HRH3: variants seen among roughly 807,000 people sequenced by gnomAD.
The protein encoded by HRH3 is histamine receptor H3.
In HRH3, 13 loss-of-function variants were observed where a neutral mutation model predicts 21.6. The observed-to-expected ratio is 0.60, with a 90% confidence interval of 0.39 to 0.96. The LOEUF (loss-of-function observed/expected upper bound fraction) is 0.96, where lower values mean the gene tolerates loss of function less well. HRH3 is among the 40% of genes least tolerant of loss of function. The probability of loss-of-function intolerance (pLI) is 0.00; values close to 1 mark genes in which losing one functional copy is unlikely to be tolerated. For missense variants in HRH3, 461 were observed against 622.7 expected (o/e 0.74, Z 2.76); for synonymous variants, 276 against 290.3 (o/e 0.95, Z 0.50).
At position 62,215,924 on chromosome 20, in the gene HRH3, G is replaced by T; in HGVS notation, c.*82C>A. The stretch of plus-strand genomic sequence containing the variant: ...GCGGGGCTCACCCCTGGGGGAACGA[G>T]CCGGGTAGGGGGCAGCAGGGCCAGA... On this transcript the variant is annotated 3_prime_UTR_variant, in exon 3 of 3. Transcript: ENST00000340177. 7.4e-7 allele frequency: 1 copy of T among 1,346,956 alleles called. No homozygotes were observed. Among genetic ancestry groups the T allele is most frequent in the Non-Finnish European group, 9.9e-7 (1 of 1,005,266 alleles). 83.4% of individuals were successfully genotyped at this position (1,346,956 alleles called of 1,614,324 possible).
rs1454711716 is a variant in HRH3 at position 62,218,884 on chromosome 20, G to C, written c.251-227C>G. On this transcript the variant is annotated intron_variant, in intron 1 of 2. Coordinates refer to ENST00000340177, the MANE Select transcript of HRH3 (RefSeq NM_007232.3). This position sits in a 1 kb window ranked among gnomAD's most constrained non-coding sequence, Gnocchi z 5.6. ...ACTATCTGTGTCCCCTGGGCCTGGG[G>C]GCAGGAGGGATGATCCAGGCATGGG... Among the ~76,000 whole-genome samples, 3 of 151,762 alleles carry C rather than the reference G, an allele frequency of 2.0e-5. No homozygotes were observed. The highest frequency in any genetic ancestry group is 2.0e-4 in the Admixed American group (3 of 15,238).
Position 62,216,386 on chromosome 20 carries a change from G to T in HRH3, c.958C>A (p.Leu320Ile), listed in dbSNP as rs200810474. ...GCCGACGGCTTGGAGCCCCTCTTGA[G>T]TGAGCGCGGCCTCTCAGTGCCCCTC... ...SSRGTERPRS[L>I]KRGSKPSASS... Residue 320 changes from leucine (L) to isoleucine (I), a missense_variant, in exon 3 of 3, where the codon CTC becomes ATC. By Grantham distance (5) the Leu-to-Ile change is conservative. Transcript: ENST00000340177. The T allele has an allele frequency of 6.0e-5, 93 of 1,554,646 alleles. 1 individual carries two copies. The highest frequency in any genetic ancestry group is 8.7e-6 in the Non-Finnish European group (10 of 1,148,172).
In HRH3 at chr20:62,218,280, G is replaced by A. The variant is rs951029269; in HGVS notation, c.417+211C>T. 4.6e-5 allele frequency among the ~76,000 whole-genome samples: 7 copies of A among 152,232 alleles called. No individual in the cohort carries two copies. Among genetic ancestry groups the A allele is most frequent in the Non-Finnish European group, 8.8e-5 (6 of 68,032 alleles). Reference sequence around the variant, plus strand: ...AGGACCATCTGCATCCAGATTCCCCGTCTCCTGCCTGGGCCAGGTCAGTCT... The same window carrying A: ...AGGACCATCTGCATCCAGATTCCCCATCTCCTGCCTGGGCCAGGTCAGTCT... On this transcript the variant is annotated intron_variant, in intron 2 of 2. Coordinates refer to ENST00000340177, the MANE Select transcript of HRH3 (RefSeq NM_007232.3). The surrounding 1 kb of genome is among the most constrained non-coding windows in gnomAD (Gnocchi z 5.6).
Position 62,216,012 on chromosome 20 carries a change from C to T in HRH3, c.1332G>A (p.Trp444Ter). The T allele has an allele frequency of 6.4e-7, 1 of 1,569,400 alleles. No individual in the cohort carries two copies. Among genetic ancestry groups the T allele is most frequent in the Non-Finnish European group, 8.6e-7 (1 of 1,157,200 alleles). The change falls in exon 3 of 3, where the codon TGG becomes TGA. Residue 444 changes from tryptophan (W) to a stop codon, truncating the protein, a stop_gained. Coordinates refer to ENST00000340177, the MANE Select transcript of HRH3 (RefSeq NM_007232.3). LOFTEE classifies it high-confidence loss of function. Reference protein sequence around the residue: ...IQPHSSLEHCWK With the variant: ...IQPHSSLEHC ...GGAGGCTCTGGTGGGCCACTCACTT[C>T]CAGCAGTGCTCCAGGGAGCTGTGGG... is the stretch of plus-strand genomic sequence containing the variant.
In HRH3 at chr20:62,218,514, G is replaced by A; in HGVS notation, c.394C>T (p.Arg132Cys). ...ACCGCTCGGGTGACCGACAGGAAGCGGTCGTAGCTGATGAGCACGATGTTG... is the reference window on the plus strand; with the variant it reads ...ACCGCTCGGGTGACCGACAGGAAGCAGTCGTAGCTGATGAGCACGATGTTG... Reference protein sequence around the residue: ...AFNIVLISYDRFLSVTRAVSY... With the variant: ...AFNIVLISYDCFLSVTRAVSY... Residue 132 changes from arginine to cysteine, a missense_variant, in exon 2 of 3, where the codon CGC becomes TGC. By Grantham distance (180) the Arg-to-Cys change is radical. Coordinates refer to ENST00000340177, the MANE Select transcript of HRH3 (RefSeq NM_007232.3). This position sits in a 1 kb window ranked among gnomAD's most constrained non-coding sequence, Gnocchi z 5.6. 1 of 1,611,976 alleles carries A rather than the reference G, an allele frequency of 6.2e-7. No homozygotes were observed. Among genetic ancestry groups the A allele is most frequent in the Non-Finnish European group, 8.5e-7 (1 of 1,179,924 alleles).
rs909412066 is a variant in HRH3 at position 62,216,589 on chromosome 20, G to A, written c.755C>T (p.Pro252Leu). 4.4e-6 allele frequency: 7 copies of A among 1,606,914 alleles called. No individual in the cohort carries two copies. The highest frequency in any genetic ancestry group is 1.3e-5 in the African/African-American group (1 of 74,780). Residue 252 changes from proline to leucine, a missense_variant, in exon 3 of 3, where the codon CCA (proline) becomes CTA (leucine). Physicochemically the swap from Pro to Leu is moderately conservative, Grantham distance 98. This residue lies in a region of HRH3 where 163 missense variants were observed against 139.4 expected (regional missense o/e 1.17). Coordinates refer to ENST00000340177, the MANE Select transcript of HRH3 (RefSeq NM_007232.3). The part of the protein sequence containing the change: ...PEPPPEAQPS[P>L]PPPPGCWGCW... ...GCCCCAGCAGCCAGGCGGTGGGGGT[G>A]GTGAGGGCTGGGCCTCGGGAGGGGG... is the stretch of plus-strand genomic sequence containing the variant.
At position 62,218,180 on chromosome 20, in the gene HRH3, GC is replaced by G. The variant is rs1568806481; in HGVS notation, c.417+310del. 1.3e-5 allele frequency among the ~76,000 whole-genome samples: 2 copies of G among 152,224 alleles called. No individual in the cohort carries two copies. The highest frequency in any genetic ancestry group is 1.3e-4 in the Admixed American group (2 of 15,292). On this transcript the variant is annotated intron_variant, in intron 2 of 2. Coordinates refer to ENST00000340177, the MANE Select transcript of HRH3 (RefSeq NM_007232.3). This position sits in a 1 kb window ranked among gnomAD's most constrained non-coding sequence, Gnocchi z 5.6. Reference sequence around the variant, plus strand: ...GGAGGGATGTCACCCAGGGCGTCTGGCCCCAGATCCTCCCTTAACTCCGGGG... The same window carrying G: ...GGAGGGATGTCACCCAGGGCGTCTGGCCCAGATCCTCCCTTAACTCCGGGG...
At position 62,216,494 on chromosome 20, in the gene HRH3, C is replaced by T. The variant is rs1277870064; in HGVS notation, c.850G>A (p.Ala284Thr). Reference protein sequence around the residue: ...RYGVGEAAVGAEAGEATLGGG... With the variant: ...RYGVGEAAVGTEAGEATLGGG... ...CCGAGGGTCGCCTCCCCGGCCTCAGCGCCTACGGCCGCCTCACCCACCCCA... is the reference window on the plus strand; with the variant it reads ...CCGAGGGTCGCCTCCCCGGCCTCAGTGCCTACGGCCGCCTCACCCACCCCA... The change falls in exon 3 of 3, where the codon GCT (alanine) becomes ACT (threonine). Residue 284 changes from alanine (A) to threonine (T), a missense_variant. Transcript: ENST00000340177. 7.0e-6 allele frequency: 11 copies of T among 1,572,156 alleles called. No homozygotes were observed. Among genetic ancestry groups the T allele is most frequent in the African/African-American group, 6.8e-5 (5 of 73,920 alleles).
In HRH3 at chr20:62,216,705, G is replaced by A. The variant is rs201708948; in HGVS notation, c.639C>T (p.Ser213=). 42 of 1,613,294 alleles carry A rather than the reference G, an allele frequency of 2.6e-5. No individual in the cohort carries two copies. The African/African-American group carries it at 3.3e-4, about 13-fold the overall frequency. ...STLEFFTPFL[S]VTFFNLSIYL... is the part of the protein sequence containing the mutation. ...AGATGCTGAGGTTAAAGAAGGTGAC[G>A]CTGAGGAAGGGCGTAAAGAACTCCA... Residue 213 remains serine, a synonymous_variant, in exon 3 of 3, where the codon AGC becomes AGT. Transcript: ENST00000340177.
chr20:62,219,770 G>C lies in HRH3; in HGVS notation c.201C>G (p.Thr67=), dbSNP rs2145890699. 1.2e-6 allele frequency: 2 copies of C among 1,606,176 alleles called. No homozygotes were observed. Among genetic ancestry groups the C allele is most frequent in the East Asian group, 2.3e-5 (1 of 44,362 alleles). The stretch of plus-strand genomic sequence containing the variant: ...GGTTGAGCAGGAAGAAGTTGTTCTG[G>C]GTGCGGAGGCTCGAGTCGGCCACGA... ...LAFVADSSLR[T]QNNFFLLNLA... is the part of the protein sequence containing the mutation. The change falls in exon 1 of 3, where the codon ACC becomes ACG. Residue 67 remains threonine (T), a synonymous_variant. Coordinates refer to ENST00000340177, the MANE Select transcript of HRH3 (RefSeq NM_007232.3). The surrounding 1 kb of genome is among the most constrained non-coding windows in gnomAD (Gnocchi z 8.7).
chr20:62,219,535 G>C lies in HRH3; in HGVS notation c.250+186C>G, dbSNP rs1978722678. 6.6e-6 allele frequency among the ~76,000 whole-genome samples: 1 copy of C among 152,086 alleles called. No homozygotes were observed. Among genetic ancestry groups the C allele is most frequent in the Non-Finnish European group, 1.5e-5 (1 of 67,986 alleles). On this transcript the variant is annotated intron_variant, in intron 1 of 2. Coordinates refer to ENST00000340177, the MANE Select transcript of HRH3 (RefSeq NM_007232.3). The surrounding 1 kb of genome is among the most constrained non-coding windows in gnomAD (Gnocchi z 8.7). ...CATCTCTCCCCAGCCCCTGTCCCGA[G>C]GCCTGAGTGGCAAGGAACTTCGCCT...
rs200818453 is a variant in HRH3, at chr20:62,215,583, G to A, written c.*423C>T. On this transcript the variant is annotated 3_prime_UTR_variant, in exon 3 of 3. Transcript: ENST00000340177. ...CCTGGGCTTGTCCGGGGAGAGGGACGGTGTGCAGGTGTGTGCAGGGGTGTG... is the reference window on the plus strand; with the variant it reads ...CCTGGGCTTGTCCGGGGAGAGGGACAGTGTGCAGGTGTGTGCAGGGGTGTG... 9.7e-6 allele frequency: 4 copies of A among 413,546 alleles called. No homozygotes were observed. The highest frequency in any genetic ancestry group is 2.6e-5 in the Admixed American group (1 of 37,880). 25.6% of individuals were successfully genotyped at this position (413,546 alleles called of 1,614,324 possible).
In HRH3 at chr20:62,218,800, CTGG is replaced by C; in HGVS notation, c.251-146_251-144del. ...CATCCTCATCTTACCACCCCTCCAC[CTGG>C]TGTCAGCCACAAACTCTGCCCTGCC... On this transcript the variant is annotated intron_variant, in intron 1 of 2. Coordinates refer to ENST00000340177, the MANE Select transcript of HRH3 (RefSeq NM_007232.3). The surrounding 1 kb of genome is among the most constrained non-coding windows in gnomAD (Gnocchi z 5.6). The C allele has an allele frequency of 1.3e-6, 1 of 753,188 alleles. No individual in the cohort carries two copies. The highest frequency in any genetic ancestry group is 1.8e-5 in the South Asian group (1 of 55,186). The allele number at this position is 753,188 out of a possible 1,614,324, so 46.7% of individuals were successfully genotyped here.
In HRH3 at chr20:62,216,616, T is replaced by C; in HGVS notation, c.728A>G (p.Glu243Gly). 1.2e-6 allele frequency: 2 copies of C among 1,610,652 alleles called. No individual in the cohort carries two copies. The highest frequency in any genetic ancestry group is 1.7e-6 in the Non-Finnish European group (2 of 1,178,950). Residue 243 changes from glutamate to glycine, a missense_variant, in exon 3 of 3, where the codon GAG becomes GGG. Physicochemically the swap from Glu to Gly is moderately conservative, Grantham distance 98. This residue lies in a region of HRH3 where 163 missense variants were observed against 139.4 expected (regional missense o/e 1.17). Coordinates refer to ENST00000340177, the MANE Select transcript of HRH3 (RefSeq NM_007232.3). ...LDGAREAAGP[E>G]PPPEAQPSPP... The stretch of plus-strand genomic sequence containing the variant: ...TGAGGGCTGGGCCTCGGGAGGGGGC[T>C]CGGGGCCGGCTGCCTCTCGAGCCCC...
chr20:62,219,097 C>T lies in HRH3; in HGVS notation c.251-440G>A, dbSNP rs1388221140. 6.6e-6 allele frequency among the ~76,000 whole-genome samples: 1 copy of T among 152,106 alleles called. No homozygotes were observed. On this transcript the variant is annotated intron_variant, in intron 1 of 2. Transcript: ENST00000340177. This position sits in a 1 kb window ranked among gnomAD's most constrained non-coding sequence, Gnocchi z 8.7. ...CTTAGACAAGGAGAAAGCCTTTCTCCTGGCTGAAAGGGCACTTGGTTGCAG... is the reference window on the plus strand; with the variant it reads ...CTTAGACAAGGAGAAAGCCTTTCTCTTGGCTGAAAGGGCACTTGGTTGCAG...
At chr20:62,216,991 G>A (rs879502569) in intron 2 of HRH3, 65 bp from the exon 3 acceptor site, 188 of 1,435,102 alleles carry the variant, frequency 1.3e-4, no homozygotes, top group Non-Finnish European at 1.6e-4. Context: ...CGCCCCCGTA[G>A]CCTGTGGGCC....
chr20:62,219,755 G>C lies in HRH3; in HGVS notation c.216C>G (p.Phe72Leu). ...DSSLRTQNNF[F>L]LLNLAISDFL... The stretch of plus-strand genomic sequence containing the variant: ...AGTCGGAGATGGCGAGGTTGAGCAG[G>C]AAGAAGTTGTTCTGGGTGCGGAGGC... The change falls in exon 1 of 3, where the codon TTC becomes TTG. Residue 72 changes from phenylalanine (F) to leucine (L), a missense_variant. Physicochemically the swap from Phe to Leu is conservative, Grantham distance 22. Transcript: ENST00000340177. The surrounding 1 kb of genome is among the most constrained non-coding windows in gnomAD (Gnocchi z 8.7). 2.5e-6 allele frequency: 4 copies of C among 1,605,294 alleles called. No homozygotes were observed. The highest frequency in any genetic ancestry group is 3.4e-6 in the Non-Finnish European group (4 of 1,176,018).
chr20:62,215,792 G>A lies in HRH3; in HGVS notation c.*214C>T, dbSNP rs935793921. On this transcript the variant is annotated 3_prime_UTR_variant, in exon 3 of 3. Coordinates refer to ENST00000340177, the MANE Select transcript of HRH3 (RefSeq NM_007232.3). Reference sequence around the variant, plus strand: ...GAGCCAGAATGTGGGGGGCAGGGCCGGCCACCCAGCCTCCAGTCCAGCCAG... The same window carrying A: ...GAGCCAGAATGTGGGGGGCAGGGCCAGCCACCCAGCCTCCAGTCCAGCCAG... 1.0e-5 allele frequency: 6 copies of A among 586,606 alleles called. No individual in the cohort carries two copies. Among genetic ancestry groups the A allele is most frequent in the Admixed American group, 3.0e-5 (1 of 33,174 alleles). The allele number at this position is 586,606 out of a possible 1,614,324, so 36.3% of individuals were successfully genotyped here.
Position 62,216,235 on chromosome 20 carries a change from C to G in HRH3, c.1109G>C (p.Cys370Ser). 6.2e-7 allele frequency: 1 copy of G among 1,612,904 alleles called. No homozygotes were observed. Among genetic ancestry groups the G allele is most frequent in the Non-Finnish European group, 8.5e-7 (1 of 1,179,886 alleles). Residue 370 changes from cysteine to serine, a missense_variant, in exon 3 of 3, where the codon TGC becomes TCC. Cys to Ser is a moderately radical substitution (Grantham distance 112). Transcript: ENST00000340177. ...LAVIVSIFGLCWAPYTLLMII... is the reference protein window; with the variant it reads ...LAVIVSIFGLSWAPYTLLMII... ...CATCAGCAGCGTGTATGGGGCCCAG[C>G]AGAGCCCAAAGATGCTCACGATGAC...
Sources: gnomAD v4.1 joint callset for allele counts (sites outside exome capture counted in the v4.1 genomes callset) on GRCh38, gnomAD v4.1.1 for gene constraint, gnomAD v4.1.1 regional missense constraint, Gnocchi (gnomAD v3.1) non-coding constraint, MANE v1.5 for transcripts, NCBI Gene and HGNC (gene_info 2026-07-23, HGNC 2026-07-21) for gene names.